Variants in NR1H2 observed in about 807,000 individuals in gnomAD.
NR1H2 encodes the protein oxysterols receptor LXR-beta.
In NR1H2, 33 loss-of-function variants were observed where a neutral mutation model predicts 51.2. The ratio of observed to expected loss-of-function variants is 0.64; its 90% CI spans 0.49 to 0.86. NR1H2 has a LOEUF of 0.86. Ranked by LOEUF, NR1H2 falls within the 40% of genes least tolerant of loss-of-function variation. The probability of loss-of-function intolerance (pLI) is 0.00; values close to 1 mark genes in which losing one functional copy is unlikely to be tolerated. For missense variants in NR1H2, 592 were observed against 639.9 expected, an observed-to-expected ratio of 0.93 and a Z score of 0.81; for synonymous variants, 310 against 264.3, an observed-to-expected ratio of 1.17 and a Z score of -1.68.
rs368599979 is a variant in NR1H2, at chr19:50,377,753, G to A, written c.64G>A (p.Gly22Ser). Residue 22 changes from glycine (G) to serine (S), a missense_variant, in exon 4 of 10, where the codon GGC (glycine) becomes AGC (serine). By Grantham distance (56) the Gly-to-Ser change is moderately conservative. Transcript: ENST00000253727. ...TCCAGGAAATGGCCCCCCTCAGCCT[G>A]GCGCCCCTTCTTCTTCACCCACTGT... ...PLPGNGPPQP[G>S]APSSSPTVKE... 5.5e-5 allele frequency: 89 copies of A among 1,608,150 alleles called. No individual in the cohort carries two copies. Among genetic ancestry groups the A allele is most frequent in the East Asian group, 2.9e-4 (13 of 44,826 alleles).
chr19:50,379,481 A>G (rs367655241), intron 7 of NR1H2, among the ~76,000 whole-genome samples: 134 of 152,296 alleles, frequency 8.8e-4, no homozygotes, highest in African/African-American at 2.9e-3. Flanking sequence ...CTCTATTCCA[A>G]GTGTTGGCAT....
At chr19:50,379,291 G>T in intron 7 of NR1H2, 110 bp downstream of exon 7, 1 of 1,178,310 alleles carries the variant, frequency 8.5e-7, no homozygotes, top group South Asian at 1.5e-5. Flanking sequence ...ATTCCACGGC[G>T]AATAGAGTCT....
Position 50,378,292 on chromosome 19 carries a change from G to C in NR1H2, c.325G>C (p.Gly109Arg). ...CGTGCTCAGCTGCGAAGGCTGCAAGGGCTTCTTCCGGCGCAGTGTGGTCCG... is the reference window on the plus strand; with the variant it reads ...CGTGCTCAGCTGCGAAGGCTGCAAGCGCTTCTTCCGGCGCAGTGTGGTCCG... ...YNVLSCEGCK[G>R]FFRRSVVRGG... is the part of the protein sequence containing the mutation. The change falls in exon 5 of 10, where the codon GGC becomes CGC. Residue 109 changes from glycine (G) to arginine (R), a missense_variant. Physicochemically the swap from Gly to Arg is moderately radical, Grantham distance 125 (BLOSUM62 -2). Around this residue, in one of 3 missense-constraint regions of NR1H2, gnomAD observed 316 missense variants for 313.4 expected, o/e 1.01. Transcript: ENST00000253727. 1.2e-6 allele frequency: 2 copies of C among 1,613,426 alleles called. No homozygotes were observed. The highest frequency in any genetic ancestry group is 2.2e-5 in the East Asian group (1 of 44,890).
rs1188161848 is a variant in NR1H2 at position 50,379,815 on chromosome 19, C to T, written c.963C>T (p.His321=). Residue 321 remains histidine (H), a synonymous_variant, in exon 8 of 10, where the codon CAC becomes CAT. Transcript: ENST00000253727. The stretch of plus-strand genomic sequence containing the variant: ...TAGAGACAGCCAGGCGCTACAACCA[C>T]GAGACAGAGTGTATCACCTTCTTGA... ...MLLETARRYN[H]ETECITFLKD... is the part of the protein sequence containing the mutation. 3.1e-6 allele frequency: 5 copies of T among 1,614,046 alleles called. No individual in the cohort carries two copies. The highest frequency in any genetic ancestry group is 4.5e-5 in the East Asian group (2 of 44,884).
rs1327182960 is a variant in NR1H2, at chr19:50,378,913, TC to T, written c.748-84del. 38 of 1,544,868 alleles carry T rather than the reference TC, an allele frequency of 2.5e-5. No homozygotes were observed. The South Asian group carries it at 3.5e-4, about 14-fold the overall frequency. ...GAGGGCAGGGGCTTTGGGAAGAGGATCCCCCAGGGTGCAGGCTTGGCCTCAA... is the reference window on the plus strand; with the variant it reads ...GAGGGCAGGGGCTTTGGGAAGAGGATCCCCAGGGTGCAGGCTTGGCCTCAA... On this transcript the variant is annotated intron_variant, in intron 6 of 9. Coordinates refer to ENST00000253727, the MANE Select transcript of NR1H2 (RefSeq NM_007121.7).
In NR1H2 at chr19:50,378,363, G is replaced by C; in HGVS notation, c.396G>C (p.Gln132His). The change falls in exon 5 of 10, where the codon CAG becomes CAC. Residue 132 changes from glutamine (Q) to histidine (H), a missense_variant. By Grantham distance (24) the Gln-to-His change is conservative. This residue lies in a region of NR1H2 where 316 missense variants were observed against 313.4 expected (regional missense o/e 1.01). Transcript: ENST00000253727. Reference protein sequence around the residue: ...RYACRGGGTCQMDAFMRRKCQ... With the variant: ...RYACRGGGTCHMDAFMRRKCQ... ...CCTGCCGGGGTGGCGGAACCTGCCA[G>C]ATGGACGCTTTCATGCGGCGCAAGT... The C allele has an allele frequency of 1.9e-6, 3 of 1,611,502 alleles. No individual in the cohort carries two copies. Among genetic ancestry groups the C allele is most frequent in the Non-Finnish European group, 2.5e-6 (3 of 1,178,700 alleles).
rs1223835389 is a variant in NR1H2 at position 50,382,208 on chromosome 19, C to G, written c.1236+34C>G. ...CCGCAGAGCCTCTGCGCAGAGCCAACTACGTCCCGCGGCCCACGTGGTCCG... is the reference window on the plus strand; with the variant it reads ...CCGCAGAGCCTCTGCGCAGAGCCAAGTACGTCCCGCGGCCCACGTGGTCCG... On this transcript the variant is annotated intron_variant, in intron 9 of 9. Coordinates refer to ENST00000253727, the MANE Select transcript of NR1H2 (RefSeq NM_007121.7). 4 of 1,484,396 alleles carry G rather than the reference C, an allele frequency of 2.7e-6. No homozygotes were observed. In the Admixed American group the frequency reaches 8.8e-5, roughly 33 times the overall value. The allele number at this position is 1,484,396 out of a possible 1,614,324, so 92.0% of individuals were successfully genotyped here. A position where few individuals can be genotyped will look rare whatever the true frequency, so the allele number is the denominator to read the frequency against.
intron 9 of NR1H2, 30 bp downstream of exon 9, chr19:50,382,204 C>A (rs767934395): frequency 1.3e-6 from 2 of 1,489,492 alleles, no homozygotes; most frequent in African/African-American, 2.8e-5. Flanking sequence ...CTGCGCAGAG[C>A]CAACTACGTC....
intron 4 of NR1H2, 114 bp from the exon 5 acceptor site, chr19:50,378,035 A>G: frequency 2.9e-6 from 4 of 1,403,074 alleles, no homozygotes; most frequent in Non-Finnish European, 2.9e-6. Context: ...GTGAGCAGCA[A>G]CTCCTCTCTC....
Position 50,378,516 on chromosome 19 carries a change from C to A in NR1H2, c.473-6C>A. The A allele has an allele frequency of 6.2e-7, 1 of 1,603,244 alleles. No individual in the cohort carries two copies. Among genetic ancestry groups the A allele is most frequent in the East Asian group, 2.2e-5 (1 of 44,724 alleles). The stretch of plus-strand genomic sequence containing the variant: ...GGGTTCTGCTGAGGCCTGCATCCCC[C>A]TACAGGCGTCCTTTCTGAAGAACAG... On this transcript the variant is annotated splice_polypyrimidine_tract_variant and splice_region_variant and intron_variant, in intron 5 of 9. Transcript: ENST00000253727.
chr19:50,377,326 C>G (rs2037682579), intron 2 of NR1H2: 1 of 419,782 alleles, frequency 2.4e-6, no homozygotes, highest in Admixed American at 4.5e-5. Context: ...CTAGAAAAAG[C>G]AGGTGGATTG....
intron 4 of NR1H2, 136 bp from the exon 5 acceptor site, chr19:50,378,013 A>G (rs1225977986): frequency 3.5e-6 from 5 of 1,420,342 alleles, no homozygotes; most frequent in African/African-American, 1.4e-5. Flanking sequence ...CTAAATTGCA[A>G]TTTCCCTGAA....
Position 50,382,524 on chromosome 19 carries a change from G to T in NR1H2, c.1305G>T (p.Ser435=). Reference sequence around the variant, plus strand: ...TGCGCACGCTGAGCTCTGTGCACTCGGAGCAGGTCTTCGCCTTGCGGCTCC... The same window carrying T: ...TGCGCACGCTGAGCTCTGTGCACTCTGAGCAGGTCTTCGCCTTGCGGCTCC... The part of the protein sequence containing the change: ...VSLRTLSSVH[S]EQVFALRLQD... The change falls in exon 10 of 10, where the codon TCG becomes TCT. Residue 435 remains serine, a synonymous_variant. Transcript: ENST00000253727. The T allele has an allele frequency of 6.2e-7, 1 of 1,610,208 alleles. No individual in the cohort carries two copies. The highest frequency in any genetic ancestry group is 8.5e-7 in the Non-Finnish European group (1 of 1,178,342).
At position 50,382,184 on chromosome 19, in the gene NR1H2, C is replaced by T. The variant is rs1327543733; in HGVS notation, c.1236+10C>T. 1.3e-6 allele frequency: 2 copies of T among 1,520,670 alleles called. No individual in the cohort carries two copies. The highest frequency in any genetic ancestry group is 2.4e-5 in the South Asian group (2 of 82,358). 94.2% of individuals were successfully genotyped at this position (1,520,670 alleles called of 1,614,324 possible). ...CATCAAGAGGCCGCAGGTAGGGCCC[C>T]GCAGAGCCTCTGCGCAGAGCCAACT... On this transcript the variant is annotated intron_variant, in intron 9 of 9. Coordinates refer to ENST00000253727, the MANE Select transcript of NR1H2 (RefSeq NM_007121.7).
rs547530794 is a variant in NR1H2 at position 50,379,552 on chromosome 19, AAG to A, written c.928-225_928-224del. ...CCCAAACCTTGTGCTCACCTGGGGA[AAG>A]AGTATCCTAAGGAGATGGGGATGCA... On this transcript the variant is annotated intron_variant, in intron 7 of 9. Transcript: ENST00000253727. Among the ~76,000 whole-genome samples, 9 of 152,314 alleles carry A rather than the reference AAG, an allele frequency of 5.9e-5. No homozygotes were observed. In the South Asian group the frequency reaches 1.9e-3, roughly 32 times the overall value.
intron 5 of NR1H2, 36 bp from the exon 6 acceptor site, chr19:50,378,485 GC>G: frequency 6.3e-7 from 1 of 1,585,854 alleles, no homozygotes; most frequent in Non-Finnish European, 8.6e-7. Flanking sequence ...CCCCCGCCTA[GC>G]CCTGGGGTTC....
Position 50,378,509 on chromosome 19 carries a change from CATCCCCCT to C in NR1H2, c.473-11_473-4del, listed in dbSNP as rs1186291097. On this transcript the variant is annotated splice_region_variant and splice_polypyrimidine_tract_variant and intron_variant, in intron 5 of 9. Transcript: ENST00000253727. ...AGCCCTGGGGTTCTGCTGAGGCCTG[CATCCCCCT>C]ACAGGCGTCCTTTCTGAAGAACAGA... is the stretch of plus-strand genomic sequence containing the variant. 3.8e-6 allele frequency: 6 copies of C among 1,596,300 alleles called. No individual in the cohort carries two copies. Among genetic ancestry groups the C allele is most frequent in the Non-Finnish European group, 5.1e-6 (6 of 1,169,156 alleles).
At chr19:50,381,890 G>C (rs1050386078) in intron 8 of NR1H2, 76 bp from the exon 9 acceptor site, 9 of 1,252,624 alleles carry the variant, frequency 7.2e-6, no homozygotes, top group South Asian at 1.4e-5. Flanking sequence ...CCCAGAGACT[G>C]TGGGCAGCGC....
At chr19:50,378,855 C>CCCA in intron 6 of NR1H2, 59 bp downstream of exon 6, 2 of 1,579,312 alleles carry the variant, frequency 1.3e-6, no homozygotes, top group African/African-American at 2.7e-5. Flanking sequence ...GCCAGCTGGG[C>CCCA]CATCACCCAG....
Sources: allele counts gnomAD v4.1 joint callset (sites outside exome capture counted in the v4.1 genomes callset), GRCh38; gene constraint gnomAD v4.1.1; regional missense constraint gnomAD v4.1.1; transcripts MANE v1.5; gene names NCBI Gene and HGNC (gene_info 2026-07-23, HGNC 2026-07-21).